Variants in SOX5 observed in about 807,000 individuals in gnomAD.
SOX5 encodes the protein SRY-box transcription factor 5.
Under a neutral mutation model 92.0 loss-of-function variants are expected in SOX5, and 9 were observed. The observed-to-expected ratio is 0.10, with a 90% CI of 0.06 to 0.17. SOX5 has a LOEUF of 0.17. Among genes scored for constraint, SOX5 ranks in the 10% least tolerant of loss-of-function variants. The probability of loss-of-function intolerance (pLI) is 1.00; values close to 1 mark genes in which losing one functional copy is unlikely to be tolerated. For synonymous variants in SOX5, 344 were observed against 336.3 expected, an observed-to-expected ratio of 1.02 and a Z score of -0.25; for missense variants, 642 against 944.5, an observed-to-expected ratio of 0.68 and a Z score of 4.20.
intron 3 of SOX5, among the ~76,000 whole-genome samples, chr12:24,273,911 C>T (rs763219433): frequency 1.3e-4 from 19 of 151,992 alleles, no homozygotes; most frequent in African/African-American, 2.2e-4. Context: ...TTCTAGTTTC[C>T]GTTGTGATTT....
In SOX5 at chr12:24,076,699, CTTTT is replaced by C. The variant is rs11302877; in HGVS notation, c.-2+136640_-2+136643del. Among the ~76,000 whole-genome samples the C allele has an allele frequency of 1.1e-4, 11 of 102,860 alleles. No individual in the cohort carries two copies. The South Asian group carries it at 2.4e-3, about 22-fold the overall frequency. The allele number at this position is 102,860 out of a possible 152,430, so 67.5% of individuals were successfully genotyped here. ...AATACTAAAAAAGATCCAAAGCTGC[CTTTT>C]TTTTTTTTTTTTTTTTTGTAATGGT... On this transcript the variant is annotated intron_variant, in intron 4 of 4. Transcript: ENST00000446891.
chr12:24,368,254 T>C (rs1403823966), intron 2 of SOX5: 1 of 152,214 alleles, frequency 6.6e-6, no homozygotes, highest in Non-Finnish European at 1.5e-5. Flanking sequence ...ATTTCTAGTC[T>C]ACTTTCATTT....
intron 2 of SOX5, among the ~76,000 whole-genome samples, chr12:24,353,110 A>C (rs1954317258): frequency 6.6e-6 from 1 of 152,216 alleles, no homozygotes; most frequent in Admixed American, 6.5e-5. Flanking sequence ...CTTAAGGTGC[A>C]GACAGTAATA....
Position 23,719,525 on chromosome 12 carries a change from C to A in SOX5, c.810+15159G>T, listed in dbSNP as rs528792749. Among the ~76,000 whole-genome samples, 5 of 152,124 alleles carry A rather than the reference C, an allele frequency of 3.3e-5. No individual in the cohort carries two copies. The South Asian group carries it at 1.0e-3, about 32-fold the overall frequency. On this transcript the variant is annotated intron_variant, in intron 6 of 14. Transcript: ENST00000451604. ...CTTTGGGAAGCCGAGGCATGAGGAA[C>A]CCTTAAGGCCAGAAGTTTGAGACCA... is the stretch of plus-strand genomic sequence containing the variant.
chr12:24,119,879 T>A (rs894096363), intron 4 of SOX5, among the ~76,000 whole-genome samples: 1 of 152,186 alleles, frequency 6.6e-6, no homozygotes. Context: ...ATAGCAAAGA[T>A]GAGCTTTGCC....
At chr12:23,960,527 A>G (rs1489721740) in intron 4 of SOX5, among the ~76,000 whole-genome samples, 1 of 63,436 alleles carries the variant, frequency 1.6e-5, no homozygotes, top group Non-Finnish European at 3.5e-5. Context: ...ATATATATAT[A>G]TACATATATA....
Position 24,538,720 on chromosome 12 carries a change from A to C in SOX5, c.-251+23609T>G, listed in dbSNP as rs2970414. On this transcript the variant is annotated intron_variant, in intron 1 of 4. Coordinates refer to the SOX5 transcript ENST00000446891. ...AAACAAAGTTTTCCACTCAAAATTC[A>C]GTCATGGGGAAATGTTTATCAGAAT... 1.7e-3 allele frequency among the ~76,000 whole-genome samples: 265 copies of C among 152,178 alleles called. 2 individuals are homozygous for C. Among genetic ancestry groups the C allele is most frequent in the African/African-American group, 4.8e-3 (199 of 41,528 alleles).
intron 1 of SOX5, among the ~76,000 whole-genome samples, chr12:24,491,271 T>C (rs555493917): frequency 3.9e-5 from 6 of 152,128 alleles, no homozygotes; most frequent in Non-Finnish European, 8.8e-5. Context: ...AGCCCTTACA[T>C]GGAAATTTTT....
intron 4 of SOX5, among the ~76,000 whole-genome samples, chr12:23,965,286 T>C (rs991199233): frequency 1.3e-5 from 2 of 152,116 alleles, no homozygotes; most frequent in Non-Finnish European, 2.9e-5. Flanking sequence ...TGACCATGTG[T>C]CTGGGCACTC....
At chr12:23,780,729 G>A (rs937512128) in intron 3 of SOX5, among the ~76,000 whole-genome samples, 1 of 152,016 alleles carries the variant, frequency 6.6e-6, no homozygotes, top group African/African-American at 2.4e-5. Context: ...CATTTTGGAA[G>A]TCTTAAAAAG....
At chr12:24,270,583 A>G (rs990098629) in intron 3 of SOX5, among the ~76,000 whole-genome samples, 3 of 152,222 alleles carry the variant, frequency 2.0e-5, no homozygotes, top group African/African-American at 7.2e-5. Context: ...AATAAAGCAC[A>G]TGCCCATGGA....
intron 4 of SOX5, among the ~76,000 whole-genome samples, chr12:24,137,372 C>T (rs1950200608): frequency 6.6e-6 from 1 of 152,134 alleles, no homozygotes. Flanking sequence ...GTGGCTCAGG[C>T]CTGTAATCCT....
intron 3 of SOX5, among the ~76,000 whole-genome samples, chr12:24,249,346 T>A (rs548738139): frequency 1.3e-4 from 20 of 152,214 alleles, no homozygotes; most frequent in Admixed American, 1.2e-3. Flanking sequence ...AGAGACAATG[T>A]TGGCATGCAG....
intron 8 of SOX5, among the ~76,000 whole-genome samples, chr12:23,620,100 C>T (rs1231077269): frequency 6.6e-6 from 1 of 152,078 alleles, no homozygotes; most frequent in Non-Finnish European, 1.5e-5. Context: ...AAAGACTTTC[C>T]TGTAACTATG....
intron 1 of SOX5, among the ~76,000 whole-genome samples, chr12:24,368,817 C>T (rs1018218692): frequency 6.6e-6 from 1 of 152,180 alleles, no homozygotes; most frequent in African/African-American, 2.4e-5. Flanking sequence ...TAAATGACAA[C>T]TTTATTCTAA....
At chr12:24,020,199 G>A (rs1181471483) in intron 4 of SOX5, among the ~76,000 whole-genome samples, 1 of 152,160 alleles carries the variant, frequency 6.6e-6, no homozygotes, top group Non-Finnish European at 1.5e-5. Context: ...AAAGGTCAAA[G>A]TTCTTTGACT....
chr12:24,131,632 G>A (rs973333924), intron 4 of SOX5, among the ~76,000 whole-genome samples: 4 of 152,146 alleles, frequency 2.6e-5, no homozygotes, highest in African/African-American at 9.7e-5. Flanking sequence ...TGCAGAAGAT[G>A]AAAATGTACA....
chr12:23,987,324 G>T (rs763294593), intron 4 of SOX5, among the ~76,000 whole-genome samples: 2 of 152,206 alleles, frequency 1.3e-5, no homozygotes, highest in South Asian at 4.1e-4. Context: ...TAGCAAGGAG[G>T]AGCCAGCCAT....
chr12:24,266,034 A>ATGTGTGTGTGTGTG (rs59696898), intron 3 of SOX5, among the ~76,000 whole-genome samples: 6 of 127,622 alleles, frequency 4.7e-5, no homozygotes, highest in South Asian at 2.9e-4. Context: ...ATGCCAGCTA[A>ATGTGTGTGTGTGTG]TGTGTGTGTG....
Sources: gnomAD v4.1 joint callset for allele counts (sites outside exome capture counted in the v4.1 genomes callset) on GRCh38, gnomAD v4.1.1 for gene constraint, MANE v1.5 for transcripts, NCBI Gene and HGNC (gene_info 2026-07-23, HGNC 2026-07-21) for gene names.